The following ZNF486 variants were observed in gnomAD, a reference collection of about 807,000 sequenced individuals.
ZNF486 encodes the protein zinc finger protein 486.
A neutral mutation model predicts 12.8 loss-of-function variants in ZNF486; 12 were observed. That is an observed-to-expected ratio of 0.94 (90% CI 0.60 to 1.52). The LOEUF (loss-of-function observed/expected upper bound fraction) is 1.52. Among genes scored for constraint, ZNF486 ranks in the 40% most tolerant of loss-of-function variants. The pLI is 0.00. For synonymous variants in ZNF486, 231 were observed against 184.9 expected (o/e 1.25, Z -2.02); for missense variants, 738 against 545.0 (o/e 1.35, Z -3.53).
chr19:20,193,351 G>A (rs566398323), intron 3 of ZNF486, among the ~76,000 whole-genome samples: 26 of 150,030 alleles, frequency 1.7e-4, no homozygotes, highest in African/African-American at 6.4e-4. Flanking sequence ...ATGGAGTGCA[G>A]TGGTGTAATC....
intron 3 of ZNF486, among the ~76,000 whole-genome samples, chr19:20,195,892 T>G (rs1489739607): frequency 6.6e-6 from 1 of 152,256 alleles, no homozygotes; most frequent in Non-Finnish European, 1.5e-5. Context: ...TATCACCATT[T>G]TTTTTTAGCA....
chr19:20,187,649 C>G (rs1235173499), intron 3 of ZNF486, among the ~76,000 whole-genome samples: 1 of 151,698 alleles, frequency 6.6e-6, no homozygotes, highest in Non-Finnish European at 1.5e-5. Context: ...CTACAGGCGC[C>G]CACCACCACA....
At chr19:20,188,451 A>C (rs1450347268) in intron 3 of ZNF486, 1 of 398,432 alleles carries the variant, frequency 2.5e-6, no homozygotes, top group East Asian at 3.6e-5. Flanking sequence ...TGGGAGGCCA[A>C]CACAGGAGGA....
intron 3 of ZNF486, 72 bp from the exon 4 acceptor site, chr19:20,196,892 T>C: frequency 1.4e-6 from 2 of 1,467,588 alleles, no homozygotes; most frequent in Non-Finnish European, 9.1e-7. Context: ...TATAATTTTA[T>C]AGGTTAGATT....
Position 20,198,075 on chromosome 19 carries a change from T to C in ZNF486, c.1365T>C (p.Ile455=). 2 of 1,602,472 alleles carry C rather than the reference T, an allele frequency of 1.2e-6. No homozygotes were observed. The highest frequency in any genetic ancestry group is 8.5e-7 in the Non-Finnish European group (1 of 1,174,134). Residue 455 remains isoleucine (I), a synonymous_variant, in exon 4 of 4, where the codon ATT becomes ATC. Transcript: ENST00000335117. ...CAGACCTTAATAAACATAAGAGAATTCATATTGGACAGAAACCAAGAACGT... is the reference window on the plus strand; with the variant it reads ...CAGACCTTAATAAACATAAGAGAATCCATATTGGACAGAAACCAAGAACGT... The part of the protein sequence containing the change: ...WSSDLNKHKR[I]HIGQKPRT
At chr19:20,169,355 C>A (rs1478471049) in intron 1 of ZNF486, among the ~76,000 whole-genome samples, 2 of 151,988 alleles carry the variant, frequency 1.3e-5, no homozygotes, top group Non-Finnish European at 1.5e-5. Context: ...GTGATCCATC[C>A]GCCTTGGCCT....
chr19:20,167,552 C>T (rs936100966), intron 1 of ZNF486, among the ~76,000 whole-genome samples, 192 bp downstream of exon 1: 28 of 152,208 alleles, frequency 1.8e-4, no homozygotes, highest in Non-Finnish European at 2.9e-4. Flanking sequence ...GGCGTCCTGT[C>T]TCTTCCCTGC....
At chr19:20,177,319 T>G (rs1450462697) in intron 1 of ZNF486, among the ~76,000 whole-genome samples, 1 of 152,226 alleles carries the variant, frequency 6.6e-6, no homozygotes, top group African/African-American at 2.4e-5. Context: ...AATCTTAGCT[T>G]CAGCAGGTAC....
intron 1 of ZNF486, among the ~76,000 whole-genome samples, chr19:20,172,703 T>C (rs2089662427): frequency 6.9e-6 from 1 of 145,608 alleles, no homozygotes; most frequent in Non-Finnish European, 1.5e-5. Context: ...GCAGTGGCAC[T>C]ATCTCGGCTC....
intron 1 of ZNF486, among the ~76,000 whole-genome samples, chr19:20,177,286 C>G (rs1275887212): frequency 6.6e-6 from 1 of 152,228 alleles, no homozygotes; most frequent in Non-Finnish European, 1.5e-5. Context: ...GAACACTATT[C>G]AACCATTTTT....
At chr19:20,196,848 G>A (rs2089963117) in intron 3 of ZNF486, 116 bp from the exon 4 acceptor site, 2 of 1,290,788 alleles carry the variant, frequency 1.5e-6, no homozygotes, top group Admixed American at 3.2e-5. Context: ...ACAGCTTGTG[G>A]CATTTTGCTA....
intron 1 of ZNF486, among the ~76,000 whole-genome samples, chr19:20,179,304 CTT>C (rs1200077595): frequency 1.3e-5 from 2 of 152,094 alleles, no homozygotes; most frequent in Admixed American, 6.5e-5. Flanking sequence ...TAAATAAAAA[CTT>C]TTGACAAACA....
Position 20,184,521 on chromosome 19 carries a change from A to T in ZNF486, c.157+39A>T, listed in dbSNP as rs567226645. 9 of 1,538,276 alleles carry T rather than the reference A, an allele frequency of 5.9e-6. No homozygotes were observed. The East Asian group carries it at 1.9e-4, about 32-fold the overall frequency. On this transcript the variant is annotated intron_variant, in intron 2 of 3. Coordinates refer to ENST00000335117, the MANE Select transcript of ZNF486 (RefSeq NM_052852.4). ...AAATACATAATTCATAAAAAACCCCAAAAGTTTTATTTCTCTTTTTTGCAG... is the reference window on the plus strand; with the variant it reads ...AAATACATAATTCATAAAAAACCCCTAAAGTTTTATTTCTCTTTTTTGCAG...
At chr19:20,181,041 C>G (rs2089778754) in intron 1 of ZNF486, among the ~76,000 whole-genome samples, 1 of 152,060 alleles carries the variant, frequency 6.6e-6, no homozygotes, top group African/African-American at 2.4e-5. Flanking sequence ...ACCCCAGTGG[C>G]ATAGAGAACA....
Position 20,185,404 on chromosome 19 carries a change from GTTTTTTTTTTTTT to G in ZNF486, c.158-571_158-559del, listed in dbSNP as rs782413355. Among the ~76,000 whole-genome samples, 9 of 69,606 alleles carry G rather than the reference GTTTTTTTTTTTTT, an allele frequency of 1.3e-4. No individual in the cohort carries two copies. The South Asian group carries it at 4.3e-3, about 33-fold the overall frequency. The allele number at this position is 69,606 out of a possible 152,430, so 45.7% of individuals were successfully genotyped here. ...AGAAAGGTTTTAAGGTATTGTTTAT[GTTTTTTTTTTTTT>G]TTTTTTTTTTTGAGATGGAGTCTCG... On this transcript the variant is annotated intron_variant, in intron 2 of 3. Transcript: ENST00000335117.
chr19:20,186,784 G>GTTTTTTTTTTTTTTTTT (rs57907168), intron 3 of ZNF486, among the ~76,000 whole-genome samples: 6 of 122,460 alleles, frequency 4.9e-5, no homozygotes, highest in African/African-American at 1.6e-4. Flanking sequence ...ATTTTCATAG[G>GTTTTTTTTTTTTTTTTT]TTTTTTTTTT....
chr19:20,172,749 C>T (rs1410191256), intron 1 of ZNF486, among the ~76,000 whole-genome samples: 3 of 149,690 alleles, frequency 2.0e-5, no homozygotes, highest in Non-Finnish European at 4.4e-5. Flanking sequence ...GAGTGATTCT[C>T]CTGCCTCAGC....
At chr19:20,184,205 A>G in intron 1 of ZNF486, 151 bp from the exon 2 acceptor site, 3 of 1,205,670 alleles carry the variant, frequency 2.5e-6, no homozygotes, top group Non-Finnish European at 3.4e-6. Context: ...AATACATTAG[A>G]AAATATTTCT....
chr19:20,170,788 T>G (rs2122623933), intron 1 of ZNF486, among the ~76,000 whole-genome samples: 2 of 152,314 alleles, frequency 1.3e-5, no homozygotes, highest in South Asian at 4.1e-4. Context: ...TTTTCCATGA[T>G]TATCTATGTG....
Sources: allele counts gnomAD v4.1 joint callset (sites outside exome capture counted in the v4.1 genomes callset), GRCh38; gene constraint gnomAD v4.1.1; transcripts MANE v1.5; gene names NCBI Gene and HGNC (gene_info 2026-07-23, HGNC 2026-07-21).